CADPS: variants seen among roughly 807,000 people sequenced by gnomAD.
The protein encoded by CADPS is calcium-dependent secretion activator 1.
In CADPS, 57 loss-of-function variants were observed where a neutral mutation model predicts 167.3. That is an observed-to-expected ratio of 0.34 (90% confidence interval 0.28 to 0.42). CADPS has a LOEUF of 0.42. Among genes scored for constraint, CADPS ranks in the 20% least tolerant of loss-of-function variants. The pLI, the probability that CADPS is intolerant of heterozygous loss-of-function variation, is 1.00. For missense variants in CADPS, 1,414 were observed against 1,738.1 expected (o/e 0.81, Z 3.32); for synonymous variants, 676 against 635.3 (o/e 1.06, Z -0.96).
intron 28 of CADPS, among the ~76,000 whole-genome samples, chr3:62,419,451 A>C (rs1416631603): frequency 6.6e-6 from 1 of 152,204 alleles, no homozygotes; most frequent in Non-Finnish European, 1.5e-5. Flanking sequence ...GTATAGTTAC[A>C]ATCTGAATTT....
chr3:62,526,826 AT>A (rs1393915663), intron 13 of CADPS, among the ~76,000 whole-genome samples: 4 of 152,092 alleles, frequency 2.6e-5, no homozygotes, highest in African/African-American at 9.7e-5. Context: ...ATCACTTGAG[AT>A]TTTTAACTCA....
At chr3:62,724,630 TATGC>T (rs1006001464) in intron 3 of CADPS, among the ~76,000 whole-genome samples, 4 of 152,184 alleles carry the variant, frequency 2.6e-5, no homozygotes, top group African/African-American at 9.7e-5. Flanking sequence ...TATGTGGTGT[TATGC>T]GTCACACACA....
intron 11 of CADPS, 35 bp downstream of exon 11, chr3:62,549,868 C>T (rs1273546751): frequency 9.1e-6 from 14 of 1,531,046 alleles, no homozygotes; most frequent in South Asian, 1.1e-5. Context: ...CTTTACTCTA[C>T]AGAGCTATTT....
intron 3 of CADPS, among the ~76,000 whole-genome samples, chr3:62,724,382 G>T (rs2076360073): frequency 6.6e-6 from 1 of 151,286 alleles, no homozygotes; most frequent in Non-Finnish European, 1.5e-5. Flanking sequence ...TCCCAGGTTT[G>T]GGGATTTCAT....
chr3:62,720,483 G>A (rs9811417), intron 3 of CADPS, among the ~76,000 whole-genome samples: 28,134 of 151,840 alleles, frequency 0.19, 3,625 homozygotes, highest in African/African-American at 0.37. Context: ...AGACATGCAT[G>A]TACCACACTC....
intron 6 of CADPS, among the ~76,000 whole-genome samples, chr3:62,613,476 A>G (rs2061794141): frequency 6.6e-6 from 1 of 152,198 alleles, no homozygotes; most frequent in South Asian, 2.1e-4. Context: ...TCCTTTATGT[A>G]GGATTTCTCA....
chr3:62,645,259 CG>C (rs1393750235), intron 6 of CADPS, among the ~76,000 whole-genome samples: 1 of 151,972 alleles, frequency 6.6e-6, no homozygotes, highest in Admixed American at 6.6e-5. Flanking sequence ...ATATATTGCT[CG>C]GGTGATGACA....
rs1195461957 is a variant in CADPS at position 62,847,331 on chromosome 3, GGTTA to G, written c.441+27254_441+27257del. Reference sequence around the variant, plus strand: ...TTAGGGTACATGTGCACATTGTGCAGGTTAGTTACATATGTATACATGTGCCATG... The same window carrying G: ...TTAGGGTACATGTGCACATTGTGCAGGTTACATATGTATACATGTGCCATG... On this transcript the variant is annotated intron_variant, in intron 1 of 29. Coordinates refer to ENST00000383710, the MANE Select transcript of CADPS (RefSeq NM_003716.4). 5.8e-4 allele frequency among the ~76,000 whole-genome samples: 78 copies of G among 135,448 alleles called. 1 individual carries two copies. Among genetic ancestry groups the G allele is most frequent in the African/African-American group, 2.1e-3 (74 of 34,810 alleles). 88.9% of individuals were successfully genotyped at this position (135,448 alleles called of 152,430 possible).
chr3:62,874,403 C>CA lies in CADPS; in HGVS notation c.441+185dup, dbSNP rs2083265936. 6.6e-6 allele frequency among the ~76,000 whole-genome samples: 1 copy of CA among 152,154 alleles called. No individual in the cohort carries two copies. Among genetic ancestry groups the CA allele is most frequent in the Admixed American group, 6.5e-5 (1 of 15,288 alleles). Reference sequence around the variant, plus strand: ...GTCCCAGTCAGCTCCAGGAGCGCTCCAGGCTGGGTTGGGCTGGGCCTGGGC... The same window carrying CA: ...GTCCCAGTCAGCTCCAGGAGCGCTCCAAGGCTGGGTTGGGCTGGGCCTGGGC... On this transcript the variant is annotated intron_variant, in intron 1 of 29. Coordinates refer to ENST00000383710, the MANE Select transcript of CADPS (RefSeq NM_003716.4). The surrounding 1 kb of genome is among the most constrained non-coding windows in gnomAD (Gnocchi z 7.1).
intron 6 of CADPS, 146 bp downstream of exon 6, chr3:62,645,576 A>T: frequency 2.5e-6 from 2 of 797,770 alleles, no homozygotes; most frequent in Non-Finnish European, 4.0e-6. Flanking sequence ...ATAAAAATGT[A>T]GGCAAGTCAT....
At chr3:62,500,080 A>T (rs1013925680) in intron 17 of CADPS, 3 of 152,182 alleles carry the variant, frequency 2.0e-5, no homozygotes, top group Non-Finnish European at 4.4e-5. Flanking sequence ...ATGTTCCAAA[A>T]ATTACAAACT....
intron 19 of CADPS, among the ~76,000 whole-genome samples, chr3:62,492,756 GCT>G (rs1293360738): frequency 6.6e-6 from 1 of 152,150 alleles, no homozygotes; most frequent in East Asian, 1.9e-4. Context: ...TTTGAGTCAT[GCT>G]CTTTGTCATT....
At chr3:62,638,948 T>C (rs754851541) in intron 6 of CADPS, among the ~76,000 whole-genome samples, 1 of 152,158 alleles carries the variant, frequency 6.6e-6, no homozygotes, top group South Asian at 2.1e-4. Flanking sequence ...TGGAGAAGAA[T>C]TAGGAGCTCT....
chr3:62,574,642 A>T (rs531445482), intron 8 of CADPS, among the ~76,000 whole-genome samples: 1 of 152,324 alleles, frequency 6.6e-6, no homozygotes, highest in South Asian at 2.1e-4. Context: ...AGGGCTAAGG[A>T]GACAGATTAT....
intron 8 of CADPS, among the ~76,000 whole-genome samples, chr3:62,580,835 T>C (rs1372471061): frequency 1.3e-5 from 2 of 152,192 alleles, no homozygotes; most frequent in Admixed American, 6.5e-5. Context: ...GTTAGTTTAG[T>C]AGTATTCAAT....
rs2060033492 is a variant in CADPS at position 62,601,942 on chromosome 3, G to A, written c.1326-9194C>T. ...AAACAACCTTGTTCTCTGTGTTTGG[G>A]GAGCATCTGCTTGATCACAGTCGCA... On this transcript the variant is annotated intron_variant, in intron 6 of 29. Coordinates refer to ENST00000383710, the MANE Select transcript of CADPS (RefSeq NM_003716.4). The surrounding 1 kb of genome is among the most constrained non-coding windows in gnomAD (Gnocchi z 4.3). 6.6e-6 allele frequency among the ~76,000 whole-genome samples: 1 copy of A among 152,032 alleles called. No homozygotes were observed. Among genetic ancestry groups the A allele is most frequent in the South Asian group, 2.1e-4 (1 of 4,804 alleles).
chr3:62,475,384 A>G (rs557907842), intron 23 of CADPS, among the ~76,000 whole-genome samples: 30 of 152,184 alleles, frequency 2.0e-4, no homozygotes, highest in Admixed American at 5.2e-4. Flanking sequence ...TCTTTTTGGC[A>G]TTGTTCACTG....
intron 28 of CADPS, among the ~76,000 whole-genome samples, chr3:62,419,587 C>T (rs1318373095): frequency 2.6e-5 from 4 of 152,168 alleles, no homozygotes; most frequent in Non-Finnish European, 1.5e-5. Context: ...GAAAACTATT[C>T]TCTGATATGC....
intron 27 of CADPS, among the ~76,000 whole-genome samples, chr3:62,443,838 C>T (rs769219840): frequency 6.6e-6 from 1 of 152,152 alleles, no homozygotes; most frequent in African/African-American, 2.4e-5. Flanking sequence ...ATGCACCTAA[C>T]GAGTCTTCTA....
Sources: allele counts gnomAD v4.1 joint callset (sites outside exome capture counted in the v4.1 genomes callset), GRCh38; gene constraint gnomAD v4.1.1; non-coding constraint Gnocchi (gnomAD v3.1); transcripts MANE v1.5; gene names NCBI Gene and HGNC (gene_info 2026-07-23, HGNC 2026-07-21).